AFAP1L1: variants seen among roughly 807,000 people sequenced by gnomAD.
AFAP1L1 encodes actin filament-associated protein 1-like 1.
AFAP1L1 carries 77 observed loss-of-function variants against 99.8 expected under a neutral mutation model. That is an observed-to-expected ratio of 0.77 (90% CI 0.64 to 0.93). AFAP1L1 has a LOEUF of 0.93. Among genes scored for constraint, AFAP1L1 ranks in the 40% least tolerant of loss-of-function variants. AFAP1L1 has a pLI of 0.00. For missense variants in AFAP1L1, 893 were observed against 996.8 expected (o/e 0.90, Z 1.40); for synonymous variants, 373 against 395.3 (o/e 0.94, Z 0.67).
At chr5:149,295,843 T>C (rs1333428167) in intron 1 of AFAP1L1, among the ~76,000 whole-genome samples, 2 of 152,232 alleles carry the variant, frequency 1.3e-5, no homozygotes, top group Non-Finnish European at 2.9e-5. Context: ...AGACATTATA[T>C]ACCTTTTCAC....
chr5:149,298,295 C>A (rs1015250807), intron 1 of AFAP1L1, among the ~76,000 whole-genome samples: 1 of 152,144 alleles, frequency 6.6e-6, no homozygotes, highest in East Asian at 1.9e-4. Context: ...CTTCTCTGAG[C>A]CTTAGTGTCT....
intron 1 of AFAP1L1, among the ~76,000 whole-genome samples, chr5:149,291,691 G>A (rs1321389632): frequency 1.3e-5 from 2 of 152,064 alleles, no homozygotes; most frequent in African/African-American, 2.4e-5. Context: ...CTCCCCACTG[G>A]TACTGTGGGT....
Position 149,320,326 on chromosome 5 carries a change from G to A in AFAP1L1, c.1626-65G>A, listed in dbSNP as rs573128141. 1.8e-5 allele frequency: 27 copies of A among 1,519,554 alleles called. No homozygotes were observed. The East Asian group carries it at 3.4e-4, about 19-fold the overall frequency. The allele number at this position is 1,519,554 out of a possible 1,614,324, so 94.1% of individuals were successfully genotyped here. On this transcript the variant is annotated intron_variant, in intron 13 of 18. Transcript: ENST00000296721. The surrounding 1 kb of genome is among the most constrained non-coding windows in gnomAD (Gnocchi z 4.0). ...CCAGAATCAATGAGAGTGAGGACACGAAAGCACTGTAAGCTGCAAAGCATC... is the reference window on the plus strand; with the variant it reads ...CCAGAATCAATGAGAGTGAGGACACAAAAGCACTGTAAGCTGCAAAGCATC...
chr5:149,320,473 C>T lies in AFAP1L1; in HGVS notation c.1698+10C>T. 1 of 1,613,924 alleles carries T rather than the reference C, an allele frequency of 6.2e-7. No homozygotes were observed. The highest frequency in any genetic ancestry group is 8.5e-7 in the Non-Finnish European group (1 of 1,179,806). On this transcript the variant is annotated intron_variant, in intron 14 of 18. Coordinates refer to ENST00000296721, the MANE Select transcript of AFAP1L1 (RefSeq NM_152406.4). This position sits in a 1 kb window ranked among gnomAD's most constrained non-coding sequence, Gnocchi z 4.0. ...TTATGAAAAGATGCAGGTACAGTCC[C>T]TTGGGGCTGCCCAGGAATGTGGCAA... is the stretch of plus-strand genomic sequence containing the variant.
In AFAP1L1 at chr5:149,335,730, C is replaced by T. The variant is rs1757390813; in HGVS notation, c.2283+8C>T. On this transcript the variant is annotated splice_region_variant and intron_variant, in intron 18 of 18. Coordinates refer to ENST00000296721, the MANE Select transcript of AFAP1L1 (RefSeq NM_152406.4). The stretch of plus-strand genomic sequence containing the variant: ...GTGCTACAGAAAGCCAAGGTAGAGC[C>T]ATAGTTCTGCTCCTCAAAAATCAGA... The T allele has an allele frequency of 1.2e-6, 2 of 1,613,024 alleles. No homozygotes were observed. The highest frequency in any genetic ancestry group is 2.2e-5 in the South Asian group (2 of 90,752).
At chr5:149,279,423 T>A (rs1755445250) in intron 1 of AFAP1L1, among the ~76,000 whole-genome samples, 1 of 152,234 alleles carries the variant, frequency 6.6e-6, no homozygotes, top group Admixed American at 6.5e-5. Context: ...CTTTCGCAGC[T>A]TGACCCTTTT....
At position 149,314,152 on chromosome 5, in the gene AFAP1L1, G is replaced by A. The variant is rs566069621; in HGVS notation, c.1021-1669G>A. ...AAGCAAAGGTATGGGATGAGGCAGA[G>A]TCACCAGGAGTGGAAGATGGGTACT... On this transcript the variant is annotated intron_variant, in intron 9 of 18. Transcript: ENST00000296721. 1.1e-3 allele frequency among the ~76,000 whole-genome samples: 175 copies of A among 152,342 alleles called. 1 individual carries two copies. Among genetic ancestry groups the A allele is most frequent in the African/African-American group, 4.0e-3 (166 of 41,580 alleles).
chr5:149,336,528 G>A (rs1253365040), intron 18 of AFAP1L1, among the ~76,000 whole-genome samples: 2 of 152,198 alleles, frequency 1.3e-5, no homozygotes, highest in Non-Finnish European at 2.9e-5. Flanking sequence ...TAAGAGTTTG[G>A]GAGGCCGAGA....
At chr5:149,307,341 G>T in intron 6 of AFAP1L1, 61 bp from the exon 7 acceptor site, 2 of 1,558,344 alleles carry the variant, frequency 1.3e-6, no homozygotes, top group Admixed American at 3.3e-5. Context: ...CGCTGCAGAG[G>T]GGTGAGAAGG....
Position 149,319,615 on chromosome 5 carries a change from G to T in AFAP1L1, c.1513G>T (p.Gly505Trp). 6.2e-7 allele frequency: 1 copy of T among 1,613,260 alleles called. No individual in the cohort carries two copies. The highest frequency in any genetic ancestry group is 8.5e-7 in the Non-Finnish European group (1 of 1,179,840). The stretch of plus-strand genomic sequence containing the variant: ...TTCAGAGGACATGGGTCGCTGGCTC[G>T]GGCTGCTGCTGGTGGAGATGGGCTC... The part of the protein sequence containing the change: ...SCSEDMGRWL[G>W]LLLVEMGSRV... Residue 505 changes from glycine to tryptophan, a missense_variant, in exon 13 of 19, where the codon GGG (glycine) becomes TGG (tryptophan). Physicochemically the swap from Gly to Trp is radical, Grantham distance 184. Coordinates refer to ENST00000296721, the MANE Select transcript of AFAP1L1 (RefSeq NM_152406.4).
intron 8 of AFAP1L1, among the ~76,000 whole-genome samples, chr5:149,311,574 T>G (rs1315884230): frequency 1.3e-5 from 2 of 152,188 alleles, no homozygotes; most frequent in African/African-American, 4.8e-5. Flanking sequence ...ATGGTAGCTG[T>G]GATTATTCCC....
At chr5:149,316,093 A>G in intron 10 of AFAP1L1, 58 bp from the exon 11 acceptor site, 1 of 1,593,876 alleles carries the variant, frequency 6.3e-7, no homozygotes, top group Non-Finnish European at 8.6e-7. Flanking sequence ...CACAAGGAAG[A>G]CTAAGGATGG....
rs747973502 is a variant in AFAP1L1 at position 149,320,373 on chromosome 5, G to A, written c.1626-18G>A. On this transcript the variant is annotated intron_variant, in intron 13 of 18. Coordinates refer to ENST00000296721, the MANE Select transcript of AFAP1L1 (RefSeq NM_152406.4). The surrounding 1 kb of genome is among the most constrained non-coding windows in gnomAD (Gnocchi z 4.0). Reference sequence around the variant, plus strand: ...CATCATTGTCATTGTCATTGTCATCGTACATTTTATTTTCTAGATATGCAA... The same window carrying A: ...CATCATTGTCATTGTCATTGTCATCATACATTTTATTTTCTAGATATGCAA... 54 of 1,611,836 alleles carry A rather than the reference G, an allele frequency of 3.4e-5. No homozygotes were observed. The highest frequency in any genetic ancestry group is 2.2e-4 in the East Asian group (10 of 44,880).
chr5:149,290,303 G>C (rs904847997), intron 1 of AFAP1L1, among the ~76,000 whole-genome samples: 10 of 152,202 alleles, frequency 6.6e-5, no homozygotes, highest in African/African-American at 2.2e-4. Flanking sequence ...TAGTAGTAAT[G>C]GAAGAGTAAT....
In AFAP1L1 at chr5:149,312,141, G is replaced by A; in HGVS notation, c.957G>A (p.Gly319=). ...KVIREVSKPV[G]GAEGVEVPRS... ...TCCGAGAAGTGAGCAAGCCAGTTGG[G>A]GGAGCTGAGGGAGTGGAGGTCCCCA... The change falls in exon 9 of 19, where the codon GGG becomes GGA. Residue 319 remains glycine (G), a synonymous_variant. Transcript: ENST00000296721. 1 of 1,613,968 alleles carries A rather than the reference G, an allele frequency of 6.2e-7. No individual in the cohort carries two copies. The highest frequency in any genetic ancestry group is 2.2e-5 in the East Asian group (1 of 44,884).
In AFAP1L1 at chr5:149,335,592, A is replaced by G. The variant is rs1192526798; in HGVS notation, c.2155-2A>G. 12 of 1,612,054 alleles carry G rather than the reference A, an allele frequency of 7.4e-6. No individual in the cohort carries two copies. The highest frequency in any genetic ancestry group is 1.0e-5 in the Non-Finnish European group (12 of 1,179,962). On this transcript the variant is annotated splice_acceptor_variant, in intron 17 of 18. Transcript: ENST00000296721. LOFTEE classifies it high-confidence loss of function. The stretch of plus-strand genomic sequence containing the variant: ...TATATAATTATTTATTGCCATCAAC[A>G]GGAAACTGCAAATAAACCCCAGAAC...
At position 149,329,654 on chromosome 5, in the gene AFAP1L1, A is replaced by C; in HGVS notation, c.1811-12A>C. On this transcript the variant is annotated splice_polypyrimidine_tract_variant and intron_variant, in intron 15 of 18. Transcript: ENST00000296721. ...AGAACTGAGGGCCTTTCCCTTCCCC[A>C]TATCTCTGCAGGTGCCAATCAATAC... 4 of 1,609,542 alleles carry C rather than the reference A, an allele frequency of 2.5e-6. No individual in the cohort carries two copies. Among genetic ancestry groups the C allele is most frequent in the Non-Finnish European group, 3.4e-6 (4 of 1,178,240 alleles).
rs142369323 is a variant in AFAP1L1 at position 149,320,313 on chromosome 5, AGAGT to A, written c.1626-74_1626-71del. On this transcript the variant is annotated intron_variant, in intron 13 of 18. Transcript: ENST00000296721. This position sits in a 1 kb window ranked among gnomAD's most constrained non-coding sequence, Gnocchi z 4.0. The stretch of plus-strand genomic sequence containing the variant: ...TTAAGAGTTTCTGCCAGAATCAATG[AGAGT>A]GAGGACACGAAAGCACTGTAAGCTG... 1.2e-3 allele frequency: 1,705 copies of A among 1,384,386 alleles called. 17 individuals carry two copies. In the African/African-American group the frequency reaches 0.021, roughly 17 times the overall value. 85.8% of individuals were successfully genotyped at this position (1,384,386 alleles called of 1,614,324 possible).
In AFAP1L1 at chr5:149,315,941, G is replaced by A. The variant is rs776929647; in HGVS notation, c.1114+27G>A. 1.9e-6 allele frequency: 3 copies of A among 1,613,026 alleles called. No individual in the cohort carries two copies. In the South Asian group the frequency reaches 3.3e-5, roughly 18 times the overall value. On this transcript the variant is annotated intron_variant, in intron 10 of 18. Coordinates refer to ENST00000296721, the MANE Select transcript of AFAP1L1 (RefSeq NM_152406.4). ...TAGGAGCCTCTGGGGGCTCAGGCTG[G>A]GGAATGCTGGAACTGGGCCGGGCCT...
Sources: gnomAD v4.1 joint callset for allele counts (sites outside exome capture counted in the v4.1 genomes callset) on GRCh38, gnomAD v4.1.1 for gene constraint, Gnocchi (gnomAD v3.1) non-coding constraint, MANE v1.5 for transcripts, NCBI Gene and HGNC (gene_info 2026-07-23, HGNC 2026-07-21) for gene names.